Variants in ERG observed in about 807,000 individuals in gnomAD.
ERG encodes transcriptional regulator ERG.
Under a neutral mutation model 55.3 loss-of-function variants are expected in ERG, and 9 were observed. The ratio of observed to expected loss-of-function variants is 0.16; its 90% CI spans 0.10 to 0.28. ERG has a LOEUF of 0.28. Among genes scored for constraint, ERG ranks in the 10% least tolerant of loss-of-function variants. The pLI is 1.00. For missense variants in ERG, 434 were observed against 631.6 expected (o/e 0.69, Z 3.35); for synonymous variants, 223 against 237.3 (o/e 0.94, Z 0.55).
intron 1 of ERG, among the ~76,000 whole-genome samples, chr21:38,608,551 TAAG>T (rs1389467754): frequency 6.6e-6 from 1 of 152,168 alleles, no homozygotes. Context: ...ACAGCTAGAT[TAAG>T]TAGACAAGCA....
intron 1 of ERG, among the ~76,000 whole-genome samples, chr21:38,621,454 C>T (rs916531510): frequency 3.3e-5 from 5 of 152,112 alleles, no homozygotes; most frequent in East Asian, 1.9e-4. Flanking sequence ...GCCATCTCCC[C>T]GCTGCCATGA....
chr21:38,563,174 T>A (rs1040914801), intron 2 of ERG, among the ~76,000 whole-genome samples: 1 of 152,204 alleles, frequency 6.6e-6, no homozygotes, highest in African/African-American at 2.4e-5. Context: ...GTGAAACTAA[T>A]CTGTATGATA....
intron 2 of ERG, among the ~76,000 whole-genome samples, chr21:38,507,677 G>A (rs553764466): frequency 6.6e-6 from 1 of 152,290 alleles, no homozygotes; most frequent in African/African-American, 2.4e-5. Context: ...ACTCCCCTGG[G>A]ATGGGTGAGG....
intron 6 of ERG, 189 bp downstream of exon 6, chr21:38,400,385 G>C (rs1346656535): frequency 1.4e-6 from 1 of 706,112 alleles, no homozygotes; most frequent in Non-Finnish European, 2.6e-6. Flanking sequence ...AATTCCTTTA[G>C]TGTGGTCTTT....
intron 3 of ERG, among the ~76,000 whole-genome samples, chr21:38,423,105 G>GTT (rs2146501223): frequency 6.6e-6 from 1 of 151,954 alleles, no homozygotes; most frequent in South Asian, 2.1e-4. Context: ...GTGTGTGTGT[G>GTT]TGTGTGTGTG....
chr21:38,625,575 G>A (rs1359236293), intron 1 of ERG, among the ~76,000 whole-genome samples: 1 of 152,088 alleles, frequency 6.6e-6, no homozygotes, highest in Non-Finnish European at 1.5e-5. Flanking sequence ...GTGAAGCAGC[G>A]AGCCTTAAAT....
At chr21:38,481,639 C>A (rs144857810) in intron 1 of ERG, among the ~76,000 whole-genome samples, 1 of 152,090 alleles carries the variant, frequency 6.6e-6, no homozygotes, top group Non-Finnish European at 1.5e-5. Context: ...CAAAAACAAA[C>A]GTAGCTATTA....
rs183412253 is a variant in ERG, at chr21:38,488,036, C to G, written c.18+10327G>C. Reference sequence around the variant, plus strand: ...CGGGGTCAAATGCAATCTCTGCCCCCCACCTGGCAGTCATCGGCACTTATG... The same window carrying G: ...CGGGGTCAAATGCAATCTCTGCCCCGCACCTGGCAGTCATCGGCACTTATG... On this transcript the variant is annotated intron_variant, in intron 1 of 9. Coordinates refer to ENST00000288319, the MANE Select transcript of ERG (RefSeq NM_182918.4). Among the ~76,000 whole-genome samples the G allele has an allele frequency of 1.3e-4, 20 of 152,246 alleles. No homozygotes were observed. The East Asian group carries it at 3.9e-3, about 29-fold the overall frequency.
At chr21:38,368,608 CT>C in the ERG span, among the ~76,000 whole-genome samples, 3 of 151,990 alleles carry the variant, frequency 2.0e-5, no homozygotes, top group African/African-American at 7.2e-5. Flanking sequence ...CTGTATCAGA[CT>C]TTTTTTTATT....
At chr21:38,576,211 C>T (rs960437958) in intron 1 of ERG, among the ~76,000 whole-genome samples, 1 of 152,216 alleles carries the variant, frequency 6.6e-6, no homozygotes, top group African/African-American at 2.4e-5. Context: ...GCACAGCTAC[C>T]ATTCATTGAG....
chr21:38,447,318 G>A (rs1280386277), intron 1 of ERG, among the ~76,000 whole-genome samples: 1 of 151,748 alleles, frequency 6.6e-6, no homozygotes, highest in Non-Finnish European at 1.5e-5. Flanking sequence ...ATAAGTATCT[G>A]TAGAATTACA....
chr21:38,645,454 A>G (rs1305893762), intron 1 of ERG, among the ~76,000 whole-genome samples: 1 of 152,200 alleles, frequency 6.6e-6, no homozygotes, highest in Non-Finnish European at 1.5e-5. Context: ...CCACTGTGAA[A>G]CGAGTCATAT....
At chr21:38,643,320 G>A (rs966535393) in intron 1 of ERG, among the ~76,000 whole-genome samples, 4 of 152,088 alleles carry the variant, frequency 2.6e-5, no homozygotes, top group Non-Finnish European at 5.9e-5. Context: ...GTAGTCTCAG[G>A]ACTAAAACCT....
chr21:38,570,131 ATACAAAAGTGCTTG>A (rs1232383770), intron 2 of ERG, among the ~76,000 whole-genome samples: 4 of 152,228 alleles, frequency 2.6e-5, no homozygotes, highest in Admixed American at 6.5e-5. Flanking sequence ...CACCAAGCCA[ATACAAAAGTGCTTG>A]TACAAACTCA....
chr21:38,379,564 T>C (rs1275021736), downstream of ERG, among the ~76,000 whole-genome samples: 1 of 152,226 alleles, frequency 6.6e-6, no homozygotes, highest in Non-Finnish European at 1.5e-5. Context: ...GTAATTCACA[T>C]ATTCTAGCAC....
the ERG span, among the ~76,000 whole-genome samples, chr21:38,368,415 C>A: frequency 6.6e-6 from 1 of 152,168 alleles, no homozygotes; most frequent in African/African-American, 2.4e-5. Flanking sequence ...GTATAAACTC[C>A]ATTATGTGGA....
chr21:38,621,572 G>C (rs1245757697), intron 1 of ERG, among the ~76,000 whole-genome samples: 1 of 152,168 alleles, frequency 6.6e-6, no homozygotes, highest in Non-Finnish European at 1.5e-5. Context: ...CCAGGGACCT[G>C]AAGTCCTCTG....
chr21:38,606,083 CTA>C (rs1037401853), intron 1 of ERG, among the ~76,000 whole-genome samples: 4 of 150,958 alleles, frequency 2.6e-5, no homozygotes, highest in African/African-American at 9.8e-5. Flanking sequence ...GAGATGATAG[CTA>C]GGTAGATAAA....
At chr21:38,452,303 GC>G (rs1262120985) in intron 1 of ERG, among the ~76,000 whole-genome samples, 1 of 152,118 alleles carries the variant, frequency 6.6e-6, no homozygotes, top group Non-Finnish European at 1.5e-5. Context: ...ATGTGTGCAT[GC>G]ATGCAAATAC....
Sources: gnomAD v4.1 joint callset for allele counts (sites outside exome capture counted in the v4.1 genomes callset) on GRCh38, gnomAD v4.1.1 for gene constraint, MANE v1.5 for transcripts, NCBI Gene and HGNC (gene_info 2026-07-23, HGNC 2026-07-21) for gene names.